The following SGSM1 variants were observed in gnomAD, a reference collection of about 807,000 sequenced individuals.
The protein encoded by SGSM1 is small G protein signaling modulator 1, also known as RUN and TBC1 domain containing 2.
In SGSM1, 73 loss-of-function variants were observed where a neutral mutation model predicts 133.8. The ratio of observed to expected loss-of-function variants is 0.55; its 90% CI spans 0.45 to 0.66. The LOEUF is 0.66. Ranked by LOEUF, SGSM1 falls within the 30% of genes least tolerant of loss-of-function variation. The pLI is 0.00. For synonymous variants in SGSM1, 563 were observed against 573.0 expected (o/e 0.98, Z 0.25); for missense variants, 1,213 against 1,448.1 (o/e 0.84, Z 2.64).
intron 2 of SGSM1, among the ~76,000 whole-genome samples, chr22:24,840,109 A>G (rs1929703993): frequency 6.6e-6 from 1 of 151,384 alleles, no homozygotes; most frequent in Non-Finnish European, 1.5e-5. Flanking sequence ...TGCCCAGCTA[A>G]TTTTTTGTAT....
rs544136247 is a variant in SGSM1, at chr22:24,890,169, G to T, written c.1771-3262G>T. Among the ~76,000 whole-genome samples the T allele has an allele frequency of 4.0e-5, 6 of 151,518 alleles. No homozygotes were observed. The South Asian group carries it at 1.3e-3, about 32-fold the overall frequency. ...GACAGGGTTTTACCGTGTTAGATAGGATGGTCTCGATCTCCTGACCTTGTG... is the reference window on the plus strand; with the variant it reads ...GACAGGGTTTTACCGTGTTAGATAGTATGGTCTCGATCTCCTGACCTTGTG... On this transcript the variant is annotated intron_variant, in intron 16 of 24. Coordinates refer to ENST00000400358, the MANE Select transcript of SGSM1 (RefSeq NM_001098497.3).
At chr22:24,877,228 G>T (rs1206633303) in intron 13 of SGSM1, among the ~76,000 whole-genome samples, 1 of 152,114 alleles carries the variant, frequency 6.6e-6, no homozygotes, top group Non-Finnish European at 1.5e-5. Flanking sequence ...AATAATCCCA[G>T]AAATATTATT....
intron 8 of SGSM1, chr22:24,855,912 ACCAT>A (rs1394412888): frequency 1.4e-6 from 1 of 693,780 alleles, no homozygotes; most frequent in Non-Finnish European, 2.6e-6. Context: ...CATTGTCACA[ACCAT>A]CCATCCATCC....
At chr22:24,840,951 C>T (rs1293926577) in intron 2 of SGSM1, among the ~76,000 whole-genome samples, 3 of 152,246 alleles carry the variant, frequency 2.0e-5, no homozygotes, top group Non-Finnish European at 4.4e-5. Flanking sequence ...CCCGGGTTCA[C>T]ACCATTCTCT....
intron 2 of SGSM1, among the ~76,000 whole-genome samples, chr22:24,832,025 C>T (rs1050802645): frequency 6.6e-6 from 1 of 152,160 alleles, no homozygotes; most frequent in Non-Finnish European, 1.5e-5. Context: ...GCAGGGAGGC[C>T]CCCCGGAATC....
intron 17 of SGSM1, 127 bp downstream of exon 17, chr22:24,893,740 TCTTTAAGAGTGTGCGGTGA>T (rs956753606): frequency 9.5e-7 from 1 of 1,057,738 alleles, no homozygotes; most frequent in Non-Finnish European, 1.3e-6. Flanking sequence ...CCTGGCTTTT[TCTTTAAGAGTGTGCGGTGA>T]CTTTGGAATC....
At chr22:24,840,448 A>G (rs1238727197) in intron 2 of SGSM1, among the ~76,000 whole-genome samples, 1 of 152,102 alleles carries the variant, frequency 6.6e-6, no homozygotes, top group East Asian at 1.9e-4. Flanking sequence ...GGTTCAAGCA[A>G]TTCTCCCACC....
rs115162614 is a variant in SGSM1 at position 24,877,584 on chromosome 22, A to G, written c.1430+869A>G. Among the ~76,000 whole-genome samples, 456 of 151,956 alleles carry G rather than the reference A, an allele frequency of 3.0e-3. 2 individuals are homozygous for G. Among genetic ancestry groups the G allele is most frequent in the African/African-American group, 0.01 (434 of 41,466 alleles). ...CTAGTGGGTGGTCCAGTCATCAGCC[A>G]TAGGATATAAGGGGTGGGGGCTGGC... is the stretch of plus-strand genomic sequence containing the variant. On this transcript the variant is annotated intron_variant, in intron 13 of 24. Coordinates refer to ENST00000400358, the MANE Select transcript of SGSM1 (RefSeq NM_001098497.3).
rs1283305563 is a variant in SGSM1 at position 24,886,701 on chromosome 22, C to T, written c.1743C>T (p.Phe581=). The T allele has an allele frequency of 1.7e-5, 27 of 1,581,556 alleles. No individual in the cohort carries two copies. Among genetic ancestry groups the T allele is most frequent in the South Asian group, 2.3e-5 (2 of 85,986 alleles). The part of the protein sequence containing the change: ...VWPFLLGHYQ[F]GMTETERKEV... ...CCTTCCTCCTGGGCCACTACCAGTT[C>T]GGGATGACGGAAACAGAAAGGAAAG... Residue 581 remains phenylalanine, a synonymous_variant, in exon 16 of 25, where the codon TTC becomes TTT. Coordinates refer to ENST00000400358, the MANE Select transcript of SGSM1 (RefSeq NM_001098497.3).
chr22:24,855,163 G>T, intron 6 of SGSM1, 100 bp downstream of exon 6: 2 of 1,552,104 alleles, frequency 1.3e-6, no homozygotes, highest in South Asian at 2.4e-5. Context: ...CCTTGCCCAT[G>T]GAAATGCAGC....
chr22:24,899,540 T>A (rs1933047484), intron 19 of SGSM1, among the ~76,000 whole-genome samples: 1 of 147,274 alleles, frequency 6.8e-6, no homozygotes, highest in African/African-American at 2.5e-5. Flanking sequence ...TTTTTTTAAT[T>A]GAGACAGGGT....
chr22:24,887,232 T>G (rs950407996), intron 16 of SGSM1, among the ~76,000 whole-genome samples: 1 of 151,908 alleles, frequency 6.6e-6, no homozygotes, highest in African/African-American at 2.4e-5. Flanking sequence ...CACGTTGTCC[T>G]TTTATAGCCA....
At position 24,808,104 on chromosome 22, in the gene SGSM1, T is replaced by A. The variant is rs574495727; in HGVS notation, c.63+1620T>A. Among the ~76,000 whole-genome samples the A allele has an allele frequency of 5.3e-5, 8 of 151,538 alleles. No individual in the cohort carries two copies. The East Asian group carries it at 1.6e-3, about 29-fold the overall frequency. The stretch of plus-strand genomic sequence containing the variant: ...TCCATCTAGAACCTCTTATCTTTTT[T>A]TTTTCTTGGTGTTTTTTTTTTTTTT... On this transcript the variant is annotated intron_variant, in intron 2 of 24. Transcript: ENST00000400358.
intron 2 of SGSM1, among the ~76,000 whole-genome samples, chr22:24,828,893 C>T (rs1175718200): frequency 6.6e-6 from 1 of 152,084 alleles, no homozygotes; most frequent in African/African-American, 2.4e-5. Flanking sequence ...ATTATGCAGC[C>T]ACACAAAAGA....
At chr22:24,899,679 G>A (rs1428397052) in intron 19 of SGSM1, among the ~76,000 whole-genome samples, 3 of 151,714 alleles carry the variant, frequency 2.0e-5, no homozygotes, top group Non-Finnish European at 2.9e-5. Context: ...CCGCCACCAC[G>A]CCCGGCTAAT....
chr22:24,868,771 G>A lies in SGSM1; in HGVS notation c.1207G>A (p.Glu403Lys), dbSNP rs370529588. ...LRKRSPQGSA[E>K]STSSDKDDDE... ...CAAGCGAAGCCCTCAGGGTTCTGCCGAGTCCACATCTTCAGACAAAGATGA... is the reference window on the plus strand; with the variant it reads ...CAAGCGAAGCCCTCAGGGTTCTGCCAAGTCCACATCTTCAGACAAAGATGA... Residue 403 changes from glutamate to lysine, a missense_variant, in exon 12 of 25, where the codon GAG (glutamate) becomes AAG (lysine). Coordinates refer to ENST00000400358, the MANE Select transcript of SGSM1 (RefSeq NM_001098497.3). 28 of 1,613,910 alleles carry A rather than the reference G, an allele frequency of 1.7e-5. No individual in the cohort carries two copies. The highest frequency in any genetic ancestry group is 1.6e-4 in the Middle Eastern group (1 of 6,082).
chr22:24,854,931 C>T (rs752933483), intron 5 of SGSM1, 65 bp from the exon 6 acceptor site: 144 of 1,353,068 alleles, frequency 1.1e-4, no homozygotes, highest in Non-Finnish European at 1.4e-4. Context: ...ATTGAACTCT[C>T]ATCTGTGGAT....
Position 24,922,478 on chromosome 22 carries a change from C to A in SGSM1, c.3194-1708C>A, listed in dbSNP as rs113909962. ...TACAGGCATGAGCCACTGTGCCCGGCCTTTTTTTTTTTTTTGAGACGGAGT... is the reference window on the plus strand; with the variant it reads ...TACAGGCATGAGCCACTGTGCCCGGACTTTTTTTTTTTTTTGAGACGGAGT... On this transcript the variant is annotated intron_variant, in intron 24 of 24. Transcript: ENST00000400358. Among the ~76,000 whole-genome samples, 373 of 116,526 alleles carry A rather than the reference C, an allele frequency of 3.2e-3. 2 individuals are homozygous for A. The highest frequency in any genetic ancestry group is 1.0e-2 in the African/African-American group (346 of 34,742). The allele number at this position is 116,526 out of a possible 152,430, so 76.4% of individuals were successfully genotyped here. A position where few individuals can be genotyped will look rare whatever the true frequency, so the allele number is the denominator to read the frequency against.
At chr22:24,837,589 C>T (rs988654145) in intron 2 of SGSM1, among the ~76,000 whole-genome samples, 5 of 108,142 alleles carry the variant, frequency 4.6e-5, no homozygotes, top group African/African-American at 7.1e-5. Context: ...CCCCCCCCCC[C>T]CCTTTCCCAG....
Sources: allele counts gnomAD v4.1 joint callset (sites outside exome capture counted in the v4.1 genomes callset), GRCh38; gene constraint gnomAD v4.1.1; transcripts MANE v1.5; gene names NCBI Gene and HGNC (gene_info 2026-07-23, HGNC 2026-07-21).